The following SUPT3H variants were observed in gnomAD, a reference collection of about 807,000 sequenced individuals.
The protein encoded by SUPT3H is transcription initiation protein SPT3 homolog.
In SUPT3H, 44 loss-of-function variants were observed where a neutral mutation model predicts 44.3. That is an observed-to-expected ratio of 0.99 (90% CI 0.78 to 1.28). The LOEUF is 1.28. SUPT3H is among the 50% of genes most tolerant of loss of function. The pLI, the probability that SUPT3H is intolerant of heterozygous loss-of-function variation, is 0.00. For missense variants in SUPT3H, 380 were observed against 387.1 expected (o/e 0.98, Z 0.15); for synonymous variants, 124 against 125.6 (o/e 0.99, Z 0.09).
At chr6:44,909,994 C>T (rs987238559) in intron 10 of SUPT3H, among the ~76,000 whole-genome samples, 4 of 152,018 alleles carry the variant, frequency 2.6e-5, no homozygotes, top group Non-Finnish European at 4.4e-5. Context: ...CAATACATAC[C>T]AAAAGTCTTA....
chr6:45,183,562 C>CA (rs1813652604), intron 2 of SUPT3H, among the ~76,000 whole-genome samples: 1 of 152,172 alleles, frequency 6.6e-6, no homozygotes, highest in African/African-American at 2.4e-5. Context: ...TGCGTGAACT[C>CA]AGAGTAAGAA....
intron 2 of SUPT3H, among the ~76,000 whole-genome samples, chr6:45,208,329 A>G (rs1225794426): frequency 3.3e-5 from 5 of 152,224 alleles, no homozygotes; most frequent in Non-Finnish European, 5.9e-5. Flanking sequence ...AGCCATCTCC[A>G]TAACATAAAA....
chr6:45,138,447 T>C (rs572342276), intron 2 of SUPT3H, among the ~76,000 whole-genome samples: 1 of 152,142 alleles, frequency 6.6e-6, no homozygotes, highest in Admixed American at 6.5e-5. Context: ...AAGCAAACAA[T>C]ACTCAAATGT....
intron 3 of SUPT3H, among the ~76,000 whole-genome samples, chr6:45,081,903 T>G (rs1795866643): frequency 6.6e-6 from 1 of 152,102 alleles, no homozygotes; most frequent in Non-Finnish European, 1.5e-5. Context: ...GAACTTTCAC[T>G]CAGTTACATG....
intron 2 of SUPT3H, among the ~76,000 whole-genome samples, chr6:45,233,489 G>A (rs1768465799): frequency 6.6e-6 from 1 of 152,210 alleles, no homozygotes; most frequent in Non-Finnish European, 1.5e-5. Flanking sequence ...ATTTGTGAAG[G>A]TAGAGAAGCT....
At chr6:44,972,028 C>T (rs796576674) in intron 6 of SUPT3H, among the ~76,000 whole-genome samples, 1 of 151,986 alleles carries the variant, frequency 6.6e-6, no homozygotes, top group Non-Finnish European at 1.5e-5. Context: ...TCCACCTCGG[C>T]CTCCCAAAGT....
chr6:45,138,475 C>A (rs375813124), intron 2 of SUPT3H, among the ~76,000 whole-genome samples: 2 of 151,702 alleles, frequency 1.3e-5, no homozygotes, highest in African/African-American at 2.4e-5. Flanking sequence ...CTGGTGAATG[C>A]GATAAAAAAA....
chr6:44,995,604 C>A (rs1382508792), intron 6 of SUPT3H, among the ~76,000 whole-genome samples: 1 of 152,032 alleles, frequency 6.6e-6, no homozygotes, highest in Non-Finnish European at 1.5e-5. Flanking sequence ...GCACAACATG[C>A]ATTTACTTGT....
Position 44,876,908 on chromosome 6 carries a change from A to C in SUPT3H, c.913-47051T>G, listed in dbSNP as rs147647242. Among the ~76,000 whole-genome samples, 801 of 152,068 alleles carry C rather than the reference A, an allele frequency of 5.3e-3. 5 individuals are homozygous for C. The highest frequency in any genetic ancestry group is 0.018 in the African/African-American group (746 of 41,542). ...GAAAATTTTATCTTAAAAGAAAAAA[A>C]CTGAACATTAGTTAATAACATGCAT... On this transcript the variant is annotated intron_variant, in intron 10 of 10. Coordinates refer to ENST00000371459, the MANE Select transcript of SUPT3H (RefSeq NM_003599.4).
intron 2 of SUPT3H, among the ~76,000 whole-genome samples, chr6:45,320,302 C>A (rs922532327): frequency 6.6e-6 from 1 of 152,014 alleles, no homozygotes; most frequent in Non-Finnish European, 1.5e-5. Flanking sequence ...TTTGCTCTGT[C>A]GCCCAGGCTG....
intron 2 of SUPT3H, among the ~76,000 whole-genome samples, chr6:45,321,354 G>T (rs1785466085): frequency 6.6e-6 from 1 of 152,034 alleles, no homozygotes; most frequent in African/African-American, 2.4e-5. Flanking sequence ...TTACCTTTCA[G>T]AATTCACTGT....
intron 3 of SUPT3H, among the ~76,000 whole-genome samples, chr6:45,083,167 C>CATT (rs112983311): frequency 2.0e-3 from 287 of 143,920 alleles, no homozygotes; most frequent in East Asian, 9.0e-3. Flanking sequence ...ATTAAAGAAT[C>CATT]ATTATTATTA....
chr6:44,927,831 G>C (rs1769767169), intron 10 of SUPT3H, among the ~76,000 whole-genome samples: 1 of 151,772 alleles, frequency 6.6e-6, no homozygotes, highest in Non-Finnish European at 1.5e-5. Flanking sequence ...TTTTTTTCCG[G>C]GCTTATAGAG....
chr6:45,211,646 C>T (rs921515316), intron 2 of SUPT3H, among the ~76,000 whole-genome samples: 2 of 151,796 alleles, frequency 1.3e-5, no homozygotes, highest in African/African-American at 2.4e-5. Context: ...GTAAAGAGAT[C>T]GAGACCATCC....
At chr6:45,160,106 TA>T (rs1453979924) in intron 2 of SUPT3H, among the ~76,000 whole-genome samples, 3 of 152,174 alleles carry the variant, frequency 2.0e-5, no homozygotes, top group African/African-American at 7.2e-5. Context: ...CTCAAATGGT[TA>T]AAGCCAAGGT....
chr6:45,294,331 A>G (rs1009483234), intron 2 of SUPT3H, among the ~76,000 whole-genome samples: 5 of 152,168 alleles, frequency 3.3e-5, no homozygotes, highest in African/African-American at 1.2e-4. Context: ...GATATACCTC[A>G]ATATAATAAA....
At chr6:44,854,233 CTTG>C (rs1481831792) in intron 10 of SUPT3H, among the ~76,000 whole-genome samples, 4 of 151,906 alleles carry the variant, frequency 2.6e-5, no homozygotes, top group East Asian at 1.9e-4. Flanking sequence ...TTTTTTTTGT[CTTG>C]TTAACAGGCA....
At chr6:45,113,262 T>C (rs1451530329) in intron 2 of SUPT3H, among the ~76,000 whole-genome samples, 1 of 152,160 alleles carries the variant, frequency 6.6e-6, no homozygotes, top group Non-Finnish European at 1.5e-5. Context: ...AGATGATGTA[T>C]GTGAACACAG....
At chr6:45,231,351 T>C (rs1288706833) in intron 2 of SUPT3H, among the ~76,000 whole-genome samples, 2 of 152,174 alleles carry the variant, frequency 1.3e-5, no homozygotes, top group Admixed American at 6.5e-5. Flanking sequence ...TCATGAAGAA[T>C]CATTTTGCTA....
Sources: gnomAD v4.1 joint callset for allele counts (sites outside exome capture counted in the v4.1 genomes callset) on GRCh38, gnomAD v4.1.1 for gene constraint, MANE v1.5 for transcripts, NCBI Gene and HGNC (gene_info 2026-07-23, HGNC 2026-07-21) for gene names.